The following PCDH15 variants were observed in gnomAD, a reference collection of about 807,000 sequenced individuals.
PCDH15 encodes the protein protocadherin-15.
A neutral mutation model predicts 178.5 loss-of-function variants in PCDH15; 129 were observed. That is an observed-to-expected ratio of 0.72 (90% CI 0.63 to 0.84). PCDH15 has a LOEUF of 0.84. Ranked by LOEUF, PCDH15 falls within the 40% of genes least tolerant of loss-of-function variation. The pLI is 0.00. For missense variants in PCDH15, 2,230 were observed against 2,099.9 expected (o/e 1.06, Z -1.21); for synonymous variants, 800 against 732.0 (o/e 1.09, Z -1.50).
chr10:55,024,771 T>C (rs567744897), intron 2 of PCDH15, among the ~76,000 whole-genome samples: 6 of 152,162 alleles, frequency 3.9e-5, no homozygotes, highest in African/African-American at 9.7e-5. Flanking sequence ...TATACACTCA[T>C]GAGTGTGATC....
At chr10:54,683,367 G>A (rs1459765968) in intron 1 of PCDH15, among the ~76,000 whole-genome samples, 1 of 151,868 alleles carries the variant, frequency 6.6e-6, no homozygotes, top group Non-Finnish European at 1.5e-5. Flanking sequence ...CCCGCCCCTG[G>A]TAACCATTAT....
intron 2 of PCDH15, among the ~76,000 whole-genome samples, chr10:55,019,926 G>A (rs1157833233): frequency 9.0e-6 from 1 of 111,052 alleles, no homozygotes; most frequent in Non-Finnish European, 2.0e-5. Context: ...TTACTAGAAG[G>A]GAAGTAAAAG....
chr10:54,063,718 T>C (rs1026051105), intron 18 of PCDH15, among the ~76,000 whole-genome samples: 1 of 152,152 alleles, frequency 6.6e-6, no homozygotes, highest in African/African-American at 2.4e-5. Context: ...GCAAGCCAGG[T>C]TCAGAGCAGC....
intron 3 of PCDH15, among the ~76,000 whole-genome samples, chr10:54,423,629 C>A (rs1247661579): frequency 1.3e-5 from 2 of 151,850 alleles, no homozygotes; most frequent in Non-Finnish European, 2.9e-5. Flanking sequence ...ACTTTGATCA[C>A]CTCTGCCTAA....
chr10:54,296,169 A>AAAAAAAAAAAT (rs2059769716), intron 8 of PCDH15, among the ~76,000 whole-genome samples: 1 of 142,526 alleles, frequency 7.0e-6, no homozygotes, highest in Non-Finnish European at 1.5e-5. Flanking sequence ...AAAAAAAAAA[A>AAAAAAAAAAAT]GTGGTTGGCA....
At chr10:53,950,762 AACT>A (rs1331677578) in intron 23 of PCDH15, among the ~76,000 whole-genome samples, 2 of 152,194 alleles carry the variant, frequency 1.3e-5, no homozygotes, top group African/African-American at 4.8e-5. Context: ...TATGTGTTTG[AACT>A]ACTATTAGGA....
chr10:55,225,834 TAA>T (rs2132190969), intron 1 of PCDH15, among the ~76,000 whole-genome samples: 1 of 152,186 alleles, frequency 6.6e-6, no homozygotes. Context: ...ACTGTTTAAG[TAA>T]AGAGAGAAAA....
intron 1 of PCDH15, among the ~76,000 whole-genome samples, chr10:54,681,211 G>C (rs1591019982): frequency 6.6e-6 from 1 of 152,276 alleles, no homozygotes; most frequent in East Asian, 1.9e-4. Context: ...GTTTGGAGTA[G>C]AAATCAAGAG....
chr10:54,145,048 C>T (rs1308455899), intron 14 of PCDH15, among the ~76,000 whole-genome samples: 1 of 152,060 alleles, frequency 6.6e-6, no homozygotes, highest in Non-Finnish European at 1.5e-5. Context: ...GAGGTTCAGA[C>T]TATGAAGTCA....
At chr10:54,707,056 G>C (rs1591179248) in intron 1 of PCDH15, among the ~76,000 whole-genome samples, 1 of 152,206 alleles carries the variant, frequency 6.6e-6, no homozygotes. Context: ...TTAATAGTAA[G>C]AGATGTGGAA....
At chr10:53,921,228 A>G (rs1338038734) in intron 25 of PCDH15, among the ~76,000 whole-genome samples, 1 of 152,168 alleles carries the variant, frequency 6.6e-6, no homozygotes, top group Non-Finnish European at 1.5e-5. Context: ...TGAGGTAATC[A>G]GCTACTTACA....
chr10:54,183,726 T>C, intron 12 of PCDH15, 133 bp from the exon 13 acceptor site: 1 of 961,440 alleles, frequency 1.0e-6, no homozygotes, highest in Non-Finnish European at 1.6e-6. Flanking sequence ...ATTTTGTTGA[T>C]AAAAGGACGT....
intron 2 of PCDH15, among the ~76,000 whole-genome samples, chr10:54,961,557 C>A (rs147373783): frequency 6.6e-6 from 1 of 152,300 alleles, no homozygotes; most frequent in African/African-American, 2.4e-5. Flanking sequence ...GCCCATGGAC[C>A]AATCAGCATG....
chr10:54,342,175 A>G (rs1942357386), intron 6 of PCDH15, among the ~76,000 whole-genome samples: 1 of 152,136 alleles, frequency 6.6e-6, no homozygotes, highest in Admixed American at 6.6e-5. Context: ...AATGGGAAAA[A>G]TGCCTCCAGG....
intron 8 of PCDH15, among the ~76,000 whole-genome samples, chr10:54,271,022 G>A (rs1478321067): frequency 6.6e-6 from 1 of 152,046 alleles, no homozygotes; most frequent in Non-Finnish European, 1.5e-5. Flanking sequence ...AGTTCATAAT[G>A]TTTATCAGAG....
rs777169552 is a variant in PCDH15 at position 53,866,673 on chromosome 10, C to T, written c.3686G>A (p.Gly1229Glu). ...ATCGGCTTTGCCGCTCAGTCCCTTCCCATAGTCGTCAGTTGCAATAACTTG... is the reference window on the plus strand; with the variant it reads ...ATCGGCTTTGCCGCTCAGTCCCTTCTCATAGTCGTCAGTTGCAATAACTTG... Reference protein sequence around the residue: ...KFQVIATDDYGKGLSGKADVL... With the variant: ...KFQVIATDDYEKGLSGKADVL... Residue 1229 changes from glycine to glutamate, a missense_variant, in exon 27 of 38, where the codon GGG (glycine) becomes GAG (glutamate). By Grantham distance (98) the Gly-to-Glu change is moderately conservative (BLOSUM62 -2). Transcript: ENST00000644397. The T allele has an allele frequency of 4.3e-6, 7 of 1,613,458 alleles. No individual in the cohort carries two copies. The South Asian group carries it at 7.7e-5, about 18-fold the overall frequency.
intron 10 of PCDH15, among the ~76,000 whole-genome samples, chr10:54,210,359 T>A (rs935564833): frequency 1.3e-5 from 2 of 152,068 alleles, no homozygotes; most frequent in African/African-American, 4.8e-5. Flanking sequence ...TTACAACAAA[T>A]GTTTATTAAG....
Position 54,068,650 on chromosome 10 carries a change from T to A in PCDH15, c.2092-1765A>T, listed in dbSNP as rs142443807. On this transcript the variant is annotated intron_variant, in intron 17 of 37. Coordinates refer to ENST00000644397, the MANE Select transcript of PCDH15 (RefSeq NM_001384140.1). ...ATATAAACTTCAAAAACAGGCATAA[T>A]CCCTACATGGTGATAAAAATTAGAA... 2.0e-3 allele frequency among the ~76,000 whole-genome samples: 304 copies of A among 152,232 alleles called. 2 individuals carry two copies. The highest frequency in any genetic ancestry group is 0.01 in the Middle Eastern group (3 of 294).
rs1842459874 is a variant in PCDH15, at chr10:55,574,369, G to T, written c.-156+53256C>A. Among the ~76,000 whole-genome samples, 3 of 151,970 alleles carry T rather than the reference G, an allele frequency of 2.0e-5. No individual in the cohort carries two copies. The South Asian group carries it at 6.2e-4, about 31-fold the overall frequency. On this transcript the variant is annotated intron_variant, in intron 2 of 5. Transcript: ENST00000613346. Reference sequence around the variant, plus strand: ...ATGTTTCTGTACCACAATTTCTAGAGACCAGGACATAGATCTTAGTATCCT... The same window carrying T: ...ATGTTTCTGTACCACAATTTCTAGATACCAGGACATAGATCTTAGTATCCT...
Sources: gnomAD v4.1 joint callset for allele counts (sites outside exome capture counted in the v4.1 genomes callset) on GRCh38, gnomAD v4.1.1 for gene constraint, MANE v1.5 for transcripts, NCBI Gene and HGNC (gene_info 2026-07-23, HGNC 2026-07-21) for gene names.